Variants in TOP1MT observed in about 807,000 individuals in gnomAD.
TOP1MT encodes DNA topoisomerase I, mitochondrial.
A neutral mutation model predicts 73.9 loss-of-function variants in TOP1MT; 80 were observed. The observed-to-expected ratio is 1.08, with a 90% confidence interval of 0.90 to 1.30. The LOEUF (loss-of-function observed/expected upper bound fraction) is 1.30, where lower values mean the gene tolerates loss of function less well. TOP1MT is among the 50% of genes most tolerant of loss of function. TOP1MT has a pLI of 0.00. For missense variants in TOP1MT, 815 were observed against 808.0 expected (o/e 1.01, Z -0.10); for synonymous variants, 338 against 326.4 (o/e 1.04, Z -0.38).
chr8:143,312,937 T>C (rs898716443), intron 12 of TOP1MT, among the ~76,000 whole-genome samples: 3 of 152,118 alleles, frequency 2.0e-5, no homozygotes, highest in African/African-American at 7.2e-5. Flanking sequence ...AATTAGCCAG[T>C]TGTGGCCGTT....
chr8:143,318,468 T>A (rs1316759703), intron 8 of TOP1MT, among the ~76,000 whole-genome samples: 1 of 152,052 alleles, frequency 6.6e-6, no homozygotes, highest in Non-Finnish European at 1.5e-5. Flanking sequence ...GCCTTCGGGG[T>A]TCCTGTGTCC....
chr8:143,321,119 C>G, intron 8 of TOP1MT, 82 bp downstream of exon 8: 1 of 1,430,196 alleles, frequency 7.0e-7, no homozygotes. Context: ...GCCACAGACC[C>G]CACGGCAGCT....
At chr8:143,334,986 T>C, upstream of TOP1MT, 2 of 1,075,296 alleles carry the variant, frequency 1.9e-6, no homozygotes, top group Non-Finnish European at 2.3e-6. Context: ...ATCCCAAGGC[T>C]GGGCGGTCTA....
upstream of TOP1MT, among the ~76,000 whole-genome samples, chr8:143,349,789 C>T (rs1323109159): frequency 1.3e-5 from 2 of 152,060 alleles, no homozygotes; most frequent in African/African-American, 4.8e-5. Context: ...TACAGGCACT[C>T]ACCACCACGC....
Position 143,334,735 on chromosome 8 carries a change from C to G in TOP1MT, c.122+5G>C, listed in dbSNP as rs570441924. 8.7e-6 allele frequency: 14 copies of G among 1,600,768 alleles called. No individual in the cohort carries two copies. Among genetic ancestry groups the G allele is most frequent in the Non-Finnish European group, 1.1e-5 (13 of 1,174,668 alleles). On this transcript the variant is annotated splice_donor_5th_base_variant and intron_variant, in intron 1 of 13. Transcript: ENST00000329245. ...CCTCGCCGCCTGCTCACTGGGACAC[C>G]TTACCTGGCTCCACTGCCCTTCTGC...
intron 1 of TOP1MT, chr8:143,332,541 C>T: frequency 7.8e-7 from 1 of 1,289,394 alleles, no homozygotes; most frequent in Non-Finnish European, 1.0e-6. Flanking sequence ...CTGTTGGGGG[C>T]CTGGTGGGCC....
intron 7 of TOP1MT, among the ~76,000 whole-genome samples, chr8:143,322,839 CCACACACGCACGCAA>C (rs1563760258): frequency 4.7e-5 from 2 of 42,712 alleles, no homozygotes; most frequent in Non-Finnish European, 5.9e-5. Context: ...CACACGCACA[CCACACACGCACGCAA>C]CACACACGCA....
At chr8:143,354,712 C>CAA (rs35838737) in intron 1 of TOP1MT, among the ~76,000 whole-genome samples, 1 of 127,318 alleles carries the variant, frequency 7.9e-6, no homozygotes, top group African/African-American at 2.7e-5. Context: ...AACTCCATTT[C>CAA]AAAAAAAAAA....
upstream of TOP1MT, among the ~76,000 whole-genome samples, chr8:143,345,682 A>C (rs1817208480): frequency 6.6e-6 from 1 of 152,248 alleles, no homozygotes; most frequent in African/African-American, 2.4e-5. Context: ...AGAAGAATAC[A>C]TTACATAGTA....
At chr8:143,335,005 C>T (rs576081550), upstream of TOP1MT, 19 of 861,258 alleles carry the variant, frequency 2.2e-5, no homozygotes, top group Non-Finnish European at 2.8e-5. Flanking sequence ...TAAGCCTGCA[C>T]GGGGCTGCGG....
At chr8:143,322,281 C>T (rs1253201457) in intron 7 of TOP1MT, among the ~76,000 whole-genome samples, 1 of 37,488 alleles carries the variant, frequency 2.7e-5, no homozygotes. Flanking sequence ...CACACATGCA[C>T]GCCACACACA....
intron 2 of TOP1MT, 64 bp downstream of exon 2, chr8:143,331,160 A>T: frequency 7.5e-7 from 1 of 1,329,890 alleles, no homozygotes; most frequent in Non-Finnish European, 1.1e-6. Flanking sequence ...CCAGATGCCC[A>T]CTGGGAGCCC....
At chr8:143,328,880 A>G (rs1204016492) in intron 3 of TOP1MT, among the ~76,000 whole-genome samples, 1 of 152,224 alleles carries the variant, frequency 6.6e-6, no homozygotes, top group Admixed American at 6.5e-5. Flanking sequence ...CAGTCAGGCC[A>G]TGGGCGAAGG....
upstream of TOP1MT, chr8:143,359,492 G>T: frequency 2.1e-6 from 2 of 936,136 alleles, no homozygotes; most frequent in Non-Finnish European, 2.5e-6. Flanking sequence ...CGCTGGCCAG[G>T]TGCAGGGCCC....
At chr8:143,313,777 A>C (rs11783217) in intron 12 of TOP1MT, among the ~76,000 whole-genome samples, 79,097 of 150,056 alleles carry the variant, frequency 0.53, 21,667 homozygotes, top group East Asian at 0.76. Context: ...ATTGCTTGAA[A>C]CCTGGAGGCA....
At chr8:143,329,086 G>A (rs1186434540) in intron 3 of TOP1MT, among the ~76,000 whole-genome samples, 1 of 152,146 alleles carries the variant, frequency 6.6e-6, no homozygotes, top group Non-Finnish European at 1.5e-5. Flanking sequence ...CACATCCACA[G>A]CCTGCCTGGG....
intron 9 of TOP1MT, 77 bp downstream of exon 9, chr8:143,317,941 T>C (rs1364269130): frequency 5.0e-6 from 8 of 1,595,370 alleles, no homozygotes; most frequent in African/African-American, 1.3e-5. Flanking sequence ...GACAAAACCC[T>C]GGGCCAGACT....
intron 12 of TOP1MT, among the ~76,000 whole-genome samples, chr8:143,310,959 C>CT (rs36007345): frequency 0.38 from 48,634 of 128,060 alleles, 11,100 homozygotes; most frequent in East Asian, 0.68. Context: ...TTTCTCTTGG[C>CT]TTTTTTTTTT....
At chr8:143,347,099 C>T (rs551761906), upstream of TOP1MT, among the ~76,000 whole-genome samples, 224 of 152,098 alleles carry the variant, frequency 1.5e-3, no homozygotes, top group African/African-American at 5.3e-3. Context: ...ATTCTCCTGC[C>T]TCAGTCTCCC....
Sources: gnomAD v4.1 joint callset for allele counts (sites outside exome capture counted in the v4.1 genomes callset) on GRCh38, gnomAD v4.1.1 for gene constraint, MANE v1.5 for transcripts, NCBI Gene and HGNC (gene_info 2026-07-23, HGNC 2026-07-21) for gene names.